The following TNIK variants were observed in gnomAD, a reference collection of about 807,000 sequenced individuals.
TNIK encodes TRAF2 and NCK interacting kinase.
TNIK carries 49 observed loss-of-function variants against 191.3 expected under a neutral mutation model. The observed-to-expected ratio is 0.26, with a 90% CI of 0.20 to 0.32. The LOEUF (loss-of-function observed/expected upper bound fraction) is 0.32. Ranked by LOEUF, TNIK falls within the 10% of genes least tolerant of loss-of-function variation. TNIK has a pLI of 1.00. For synonymous variants in TNIK, 594 were observed against 600.9 expected, an observed-to-expected ratio of 0.99 and a Z score of 0.17; for missense variants, 1,155 against 1,702.3, an observed-to-expected ratio of 0.68 and a Z score of 5.66.
intron 2 of TNIK, among the ~76,000 whole-genome samples, chr3:171,229,994 C>T (rs1743419548): frequency 2.0e-5 from 3 of 152,190 alleles, no homozygotes; most frequent in Non-Finnish European, 4.4e-5. Context: ...ATTTCCCCAT[C>T]TACAAAACGT....
chr3:171,445,147 AGCCCAG>A (rs1421246565), intron 1 of TNIK, among the ~76,000 whole-genome samples: 1 of 152,108 alleles, frequency 6.6e-6, no homozygotes, highest in African/African-American at 2.4e-5. Context: ...TAGTTGAGCG[AGCCCAG>A]GCATGGTGGC....
rs1464037333 is a variant in TNIK at position 171,366,835 on chromosome 3, T to G, written c.123+2785A>C. Among the ~76,000 whole-genome samples, 1 of 152,136 alleles carries G rather than the reference T, an allele frequency of 6.6e-6. No individual in the cohort carries two copies. Among genetic ancestry groups the G allele is most frequent in the African/African-American group, 2.4e-5 (1 of 41,432 alleles). On this transcript the variant is annotated intron_variant, in intron 2 of 32. Transcript: ENST00000436636. This position sits in a 1 kb window ranked among gnomAD's most constrained non-coding sequence, Gnocchi z 4.1. ...GGAGATAATTGAATCATGGAGGCGG[T>G]TTCACCCATCCTGTTCTCATGATAG...
chr3:171,336,152 T>A (rs371673411), intron 2 of TNIK, among the ~76,000 whole-genome samples: 2 of 152,220 alleles, frequency 1.3e-5, no homozygotes, highest in South Asian at 4.1e-4. Flanking sequence ...ATATTTTGAC[T>A]GATATCCGTT....
chr3:171,398,088 C>G (rs571846983), intron 1 of TNIK, among the ~76,000 whole-genome samples: 1 of 152,240 alleles, frequency 6.6e-6, no homozygotes, highest in Admixed American at 6.5e-5. Context: ...TTATGTTGGC[C>G]AAAACACAAT....
chr3:171,333,188 T>C (rs1756580838), intron 2 of TNIK, among the ~76,000 whole-genome samples: 1 of 151,910 alleles, frequency 6.6e-6, no homozygotes, highest in Non-Finnish European at 1.5e-5. Context: ...GTGTCTCTTT[T>C]TAATTTTAAA....
chr3:171,063,940 C>T lies in TNIK; in HGVS notation c.4024G>A (p.Gly1342Arg). ...ATGAAAAACACTTGGCTACTTCCTC[C>T]AGATCGCACGGATGCAAAAAATACC... ...DKVFFASVRS[G>R]GSSQVFFMTL... The change falls in exon 33 of 33, where the codon GGA (glycine) becomes AGA (arginine). Residue 1342 changes from glycine to arginine, a missense_variant. Gly to Arg is a moderately radical substitution (Grantham distance 125). Around this residue, in one of 3 missense-constraint regions of TNIK, gnomAD observed 195 missense variants for 415.4 expected, o/e 0.47. Coordinates refer to ENST00000436636, the MANE Select transcript of TNIK (RefSeq NM_015028.4). 1 of 1,613,794 alleles carries T rather than the reference C, an allele frequency of 6.2e-7. No individual in the cohort carries two copies. Among genetic ancestry groups the T allele is most frequent in the Non-Finnish European group, 8.5e-7 (1 of 1,179,754 alleles).
chr3:171,249,552 C>T (rs1745999850), intron 2 of TNIK, among the ~76,000 whole-genome samples: 1 of 152,110 alleles, frequency 6.6e-6, no homozygotes. Context: ...CTGGGCAGCC[C>T]TTAGGACATT....
intron 1 of TNIK, among the ~76,000 whole-genome samples, chr3:171,433,575 C>T (rs930164485): frequency 3.9e-5 from 6 of 152,112 alleles, no homozygotes; most frequent in African/African-American, 1.4e-4. Flanking sequence ...ACACAGAACA[C>T]ACACACAGAC....
At chr3:171,449,501 T>C (rs1229911397) in intron 1 of TNIK, among the ~76,000 whole-genome samples, 1 of 152,194 alleles carries the variant, frequency 6.6e-6, no homozygotes, top group Non-Finnish European at 1.5e-5. Flanking sequence ...ATTAATAGCA[T>C]GAGAAAAGGC....
chr3:171,353,328 G>A (rs1332003526), intron 2 of TNIK, among the ~76,000 whole-genome samples: 5 of 152,178 alleles, frequency 3.3e-5, no homozygotes, highest in Admixed American at 2.6e-4. Context: ...GCCACTTACT[G>A]TCAGTGTGAC....
chr3:171,289,194 A>C (rs6770462), intron 2 of TNIK, among the ~76,000 whole-genome samples: 35 of 152,174 alleles, frequency 2.3e-4, no homozygotes, highest in African/African-American at 8.2e-4. Flanking sequence ...AAGTTAGAAC[A>C]CCTGGTTCTG....
At chr3:171,440,135 AG>A (rs1363991716) in intron 1 of TNIK, among the ~76,000 whole-genome samples, 1 of 152,102 alleles carries the variant, frequency 6.6e-6, no homozygotes, top group Non-Finnish European at 1.5e-5. Context: ...GCCTCCACCC[AG>A]TTCTGCAGAC....
At chr3:171,232,286 G>T (rs55917705) in intron 2 of TNIK, among the ~76,000 whole-genome samples, 3,475 of 151,786 alleles carry the variant, frequency 0.023, 107 homozygotes, top group African/African-American at 0.079. Context: ...GGAGTTCGAG[G>T]CTGGCCTGAG....
chr3:171,209,243 T>G (rs1229010986), intron 4 of TNIK, among the ~76,000 whole-genome samples: 1 of 152,158 alleles, frequency 6.6e-6, no homozygotes, highest in African/African-American at 2.4e-5. Context: ...GGATTTCTAT[T>G]GTTAGTAAGA....
chr3:171,270,607 G>A (rs979032904), intron 2 of TNIK, among the ~76,000 whole-genome samples: 1 of 152,056 alleles, frequency 6.6e-6, no homozygotes, highest in African/African-American at 2.4e-5. Context: ...GCCTTTACAT[G>A]TGTTAATTTC....
intron 28 of TNIK, among the ~76,000 whole-genome samples, chr3:171,074,858 A>G (rs1047342042): frequency 1.3e-5 from 2 of 152,236 alleles, no homozygotes; most frequent in Non-Finnish European, 2.9e-5. Context: ...TAAGGCAAAC[A>G]GTGTTTCTGA....
intron 1 of TNIK, among the ~76,000 whole-genome samples, chr3:171,440,156 C>G (rs1318869340): frequency 6.6e-6 from 1 of 152,178 alleles, no homozygotes; most frequent in Non-Finnish European, 1.5e-5. Flanking sequence ...CTCTTAAGCC[C>G]TCTTCCTTTC....
intron 2 of TNIK, among the ~76,000 whole-genome samples, chr3:171,266,375 A>G (rs57117072): frequency 0.04 from 6,060 of 152,242 alleles, 357 homozygotes; most frequent in African/African-American, 0.14. Flanking sequence ...GGTCTAATAC[A>G]TAAGAGTGGG....
chr3:171,347,032 T>C (rs959742435), intron 2 of TNIK: 4 of 1,104,832 alleles, frequency 3.6e-6, no homozygotes, highest in Non-Finnish European at 5.0e-6. Context: ...GGCGTTCATA[T>C]GAGAGATGTG....
Sources: gnomAD v4.1 joint callset for allele counts (sites outside exome capture counted in the v4.1 genomes callset) on GRCh38, gnomAD v4.1.1 for gene constraint, gnomAD v4.1.1 regional missense constraint, Gnocchi (gnomAD v3.1) non-coding constraint, MANE v1.5 for transcripts, NCBI Gene and HGNC (gene_info 2026-07-23, HGNC 2026-07-21) for gene names.